The following PHF14 variants were observed in gnomAD, a reference collection of about 807,000 sequenced individuals.
The protein encoded by PHF14 is PHD finger protein 14.
In PHF14, 55 loss-of-function variants were observed where a neutral mutation model predicts 117.9. That is an observed-to-expected ratio of 0.47 (90% CI 0.38 to 0.58). The LOEUF (loss-of-function observed/expected upper bound fraction) is 0.58, where lower values mean the gene tolerates loss of function less well. PHF14 is among the 20% of genes least tolerant of loss of function. The pLI is 0.00. For missense variants in PHF14, 978 were observed against 1,122.2 expected (o/e 0.87, Z 1.84); for synonymous variants, 409 against 368.6 (o/e 1.11, Z -1.26).
chr7:11,101,766 G>A lies in PHF14; in HGVS notation c.2655-9584G>A, dbSNP rs562239975. ...ATATAAAAAAGTGAACTTTTTCTGCGATGTGTGACTACTTGGCATTTTTAC... is the reference window on the plus strand; with the variant it reads ...ATATAAAAAAGTGAACTTTTTCTGCAATGTGTGACTACTTGGCATTTTTAC... On this transcript the variant is annotated intron_variant, in intron 16 of 17. Transcript: ENST00000634607. 4.0e-5 allele frequency among the ~76,000 whole-genome samples: 6 copies of A among 151,760 alleles called. No homozygotes were observed. In the South Asian group the frequency reaches 1.0e-3, roughly 26 times the overall value.
chr7:10,990,552 A>G, intron 3 of PHF14, 151 bp from the exon 4 acceptor site: 1 of 556,038 alleles, frequency 1.8e-6, no homozygotes, highest in Non-Finnish European at 3.1e-6. Flanking sequence ...TCTCAAATAT[A>G]ATGTACTTTG....
chr7:11,163,274 T>G (rs1789102457), intron 17 of PHF14, among the ~76,000 whole-genome samples: 1 of 152,216 alleles, frequency 6.6e-6, no homozygotes, highest in African/African-American at 2.4e-5. Context: ...ATATGCAACT[T>G]GTATCATACA....
chr7:11,080,528 A>C (rs1207282821), intron 16 of PHF14, among the ~76,000 whole-genome samples: 1 of 151,972 alleles, frequency 6.6e-6, no homozygotes, highest in Non-Finnish European at 1.5e-5. Context: ...TCTTTATGGA[A>C]CTCTGCAGGT....
chr7:11,105,338 A>G, intron 16 of PHF14: 1 of 943,374 alleles, frequency 1.1e-6, no homozygotes, highest in Non-Finnish European at 1.3e-6. Flanking sequence ...TTTACACTCC[A>G]TTCTATTTCC....
chr7:11,118,538 GT>G (rs1166082620), intron 17 of PHF14, among the ~76,000 whole-genome samples: 5 of 151,694 alleles, frequency 3.3e-5, no homozygotes, highest in Non-Finnish European at 7.4e-5. Context: ...AAAAATTAGA[GT>G]GTTTTATTGT....
chr7:10,984,550 G>A (rs1782150502), intron 3 of PHF14, among the ~76,000 whole-genome samples: 2 of 152,142 alleles, frequency 1.3e-5, no homozygotes, highest in Non-Finnish European at 2.9e-5. Flanking sequence ...CGTTATAGCA[G>A]TTAATACTCT....
rs561685715 is a variant in PHF14 at position 10,989,892 on chromosome 7, C to G, written c.901-811C>G. ...GTGATCCTCCTGCTTCAACCTCCCA[C>G]TGTATTTGGGATTACCGGTGTGAGC... is the stretch of plus-strand genomic sequence containing the variant. On this transcript the variant is annotated intron_variant, in intron 3 of 17. Transcript: ENST00000634607. 1.1e-4 allele frequency among the ~76,000 whole-genome samples: 17 copies of G among 152,288 alleles called. 2 individuals are homozygous for G. In the South Asian group the frequency reaches 3.1e-3, roughly 28 times the overall value.
intron 17 of PHF14, among the ~76,000 whole-genome samples, chr7:11,133,306 A>G (rs772531750): frequency 2.0e-5 from 3 of 151,858 alleles, no homozygotes; most frequent in Admixed American, 6.6e-5. Flanking sequence ...AAAACTTACT[A>G]TAAAGCTACA....
Position 10,979,315 on chromosome 7 carries a change from A to G in PHF14, c.113-3057A>G, listed in dbSNP as rs370917419. ...TCAGAGGAGTTTTTAAAAATTCTGT[A>G]ATGGTAAAAAATTTCTTAACTGTCT... On this transcript the variant is annotated intron_variant, in intron 2 of 17. Coordinates refer to ENST00000634607, the MANE Select transcript of PHF14 (RefSeq NM_001007157.2). 3.9e-4 allele frequency among the ~76,000 whole-genome samples: 60 copies of G among 152,148 alleles called. 1 individual carries two copies. The East Asian group carries it at 8.9e-3, about 23-fold the overall frequency.
chr7:11,065,250 A>G (rs746744509), intron 16 of PHF14, among the ~76,000 whole-genome samples: 109 of 152,196 alleles, frequency 7.2e-4, no homozygotes, highest in Non-Finnish European at 1.2e-3. Context: ...TCTTTATGCT[A>G]TTTAATGCAA....
At chr7:11,005,299 TA>T (rs1275589291) in intron 4 of PHF14, among the ~76,000 whole-genome samples, 1 of 152,230 alleles carries the variant, frequency 6.6e-6, no homozygotes, top group African/African-American at 2.4e-5. Context: ...CTCCTACATT[TA>T]TTAGGAAGCA....
chr7:11,064,269 A>G (rs897663141), intron 16 of PHF14, among the ~76,000 whole-genome samples: 1 of 151,888 alleles, frequency 6.6e-6, no homozygotes, highest in Non-Finnish European at 1.5e-5. Context: ...CTGGCATCTC[A>G]TATTTTGGAA....
intron 17 of PHF14, among the ~76,000 whole-genome samples, chr7:11,142,040 A>G (rs1788415458): frequency 6.6e-6 from 1 of 152,026 alleles, no homozygotes; most frequent in African/African-American, 2.4e-5. Flanking sequence ...TTATTTTTAG[A>G]TTGGGGTTTT....
chr7:11,147,774 G>A (rs1788589257), intron 17 of PHF14, among the ~76,000 whole-genome samples: 1 of 152,112 alleles, frequency 6.6e-6, no homozygotes, highest in Non-Finnish European at 1.5e-5. Flanking sequence ...GTGATTGCAT[G>A]CAGTTGTACC....
chr7:11,102,820 G>T, intron 16 of PHF14: 2 of 1,267,854 alleles, frequency 1.6e-6, no homozygotes, highest in Non-Finnish European at 2.0e-6. Flanking sequence ...AAAAATACTG[G>T]ATACATGTCT....
intron 17 of PHF14, among the ~76,000 whole-genome samples, chr7:11,140,429 G>A (rs1345061446): frequency 6.6e-6 from 1 of 152,076 alleles, no homozygotes; most frequent in Admixed American, 6.6e-5. Context: ...AGGTCTATAT[G>A]TTGTTTGCTA....
chr7:10,975,127 C>T (rs2128306386), intron 2 of PHF14, among the ~76,000 whole-genome samples, 182 bp downstream of exon 2: 1 of 152,344 alleles, frequency 6.6e-6, no homozygotes, highest in East Asian at 1.9e-4. Context: ...ATAATTGCTT[C>T]TGTTTTCCTC....
rs1417082621 is a variant in PHF14, at chr7:10,982,966, A to G, written c.707A>G (p.Asn236Ser). ...CAGAAAGAGGGAAGTGATGGAGACA[A>G]TGAGGATGATGAAGATGAGGGAAGC... The part of the protein sequence containing the change: ...ASQKEGSDGD[N>S]EDDEDEGSGS... The change falls in exon 3 of 18, where the codon AAT becomes AGT. Residue 236 changes from asparagine (N) to serine (S), a missense_variant. Coordinates refer to ENST00000634607, the MANE Select transcript of PHF14 (RefSeq NM_001007157.2). 16 of 1,591,700 alleles carry G rather than the reference A, an allele frequency of 1.0e-5. No homozygotes were observed. The Admixed American group carries it at 1.6e-4, about 16-fold the overall frequency.
At chr7:10,987,202 T>C (rs1489893204) in intron 3 of PHF14, among the ~76,000 whole-genome samples, 1 of 152,186 alleles carries the variant, frequency 6.6e-6, no homozygotes, top group Non-Finnish European at 1.5e-5. Flanking sequence ...TCTGTAACAT[T>C]TATAAATATC....
Sources: gnomAD v4.1 joint callset for allele counts (sites outside exome capture counted in the v4.1 genomes callset) on GRCh38, gnomAD v4.1.1 for gene constraint, MANE v1.5 for transcripts, NCBI Gene and HGNC (gene_info 2026-07-23, HGNC 2026-07-21) for gene names.